The following USF3 variants were observed in gnomAD, a reference collection of about 807,000 sequenced individuals.
USF3 encodes the protein basic helix-loop-helix domain-containing protein USF3.
Under a neutral mutation model 157.5 loss-of-function variants are expected in USF3, and 29 were observed. The ratio of observed to expected loss-of-function variants is 0.18; its 90% CI spans 0.14 to 0.25. The LOEUF is 0.25. Among genes scored for constraint, USF3 ranks in the 10% least tolerant of loss-of-function variants. The probability of loss-of-function intolerance (pLI) is 1.00; values close to 1 mark genes in which losing one functional copy is unlikely to be tolerated. For missense variants in USF3, 2,381 were observed against 2,667.6 expected (o/e 0.89, Z 2.37); for synonymous variants, 893 against 941.4 (o/e 0.95, Z 0.94).
At position 113,694,158 on chromosome 3, in the gene USF3, G is replaced by C. The variant is rs557730721; in HGVS notation, c.-135+2212C>G. On this transcript the variant is annotated intron_variant, in intron 1 of 6. Coordinates refer to ENST00000316407, the MANE Select transcript of USF3 (RefSeq NM_001009899.4). ...GTCTGGATTGAGAACTACTGGACTA[G>C]AGAACAGAGAGGTAAAGCATGACAG... 2.6e-5 allele frequency among the ~76,000 whole-genome samples: 4 copies of C among 152,368 alleles called. No individual in the cohort carries two copies. The East Asian group carries it at 7.7e-4, about 29-fold the overall frequency.
chr3:113,655,425 T>A lies in USF3; in HGVS notation c.6257A>T (p.Gln2086Leu), dbSNP rs765278691. The change falls in exon 7 of 7, where the codon CAG becomes CTG. Residue 2086 changes from glutamine to leucine, a missense_variant. Coordinates refer to ENST00000316407, the MANE Select transcript of USF3 (RefSeq NM_001009899.4). ...TCGAGTGGCACTAGGCTGAGTAACCTGTGGAATGAAAGAAGCATTAGCATT... is the reference window on the plus strand; with the variant it reads ...TCGAGTGGCACTAGGCTGAGTAACCAGTGGAATGAAAGAAGCATTAGCATT... The part of the protein sequence containing the change: ...PINANASFIP[Q>L]VTQPSATRTP... The A allele has an allele frequency of 6.2e-7, 1 of 1,614,176 alleles. No homozygotes were observed. The highest frequency in any genetic ancestry group is 1.3e-5 in the African/African-American group (1 of 75,054).
In USF3 at chr3:113,654,893, C is replaced by A. The variant is rs1947325025; in HGVS notation, c.*51G>T. ...GTACATGTCTGTGCACATGCACGCA[C>A]AAATACATTTGTAATCTCACTCATT... On this transcript the variant is annotated 3_prime_UTR_variant, in exon 7 of 7. Transcript: ENST00000316407. 2.6e-6 allele frequency: 4 copies of A among 1,558,386 alleles called. No individual in the cohort carries two copies. In the South Asian group the frequency reaches 3.7e-5, roughly 14 times the overall value.
chr3:113,669,059 ATTAT>A (rs1223111077), intron 5 of USF3, among the ~76,000 whole-genome samples: 1 of 152,162 alleles, frequency 6.6e-6, no homozygotes, highest in Non-Finnish European at 1.5e-5. Flanking sequence ...CTATGAGGTA[ATTAT>A]TTACTCCACC....
intron 5 of USF3, among the ~76,000 whole-genome samples, chr3:113,668,165 A>G (rs1478112602): frequency 1.3e-5 from 2 of 152,084 alleles, no homozygotes; most frequent in Admixed American, 1.3e-4. Context: ...ACACAGCTGG[A>G]TGACTTTCCC....
intron 5 of USF3, among the ~76,000 whole-genome samples, chr3:113,669,696 T>C (rs928716043): frequency 1.7e-4 from 26 of 152,056 alleles, no homozygotes; most frequent in African/African-American, 6.3e-4. Context: ...AACACTGTCA[T>C]ACTTTAAGCT....
chr3:113,649,635 G>C lies in USF3; in HGVS notation c.*5309C>G, dbSNP rs932773261. ...TACACAGCGTGTACCATCCCAGCTG[G>C]CCCTTTGCTATAACAGAGGAGTGGG... On this transcript the variant is annotated 3_prime_UTR_variant, in exon 7 of 7. Coordinates refer to ENST00000316407, the MANE Select transcript of USF3 (RefSeq NM_001009899.4). The C allele has an allele frequency of 3.9e-6, 2 of 510,984 alleles. No individual in the cohort carries two copies. Among genetic ancestry groups the C allele is most frequent in the Middle Eastern group, 4.5e-4 (1 of 2,236 alleles). The allele number at this position is 510,984 out of a possible 1,614,324, so 31.7% of individuals were successfully genotyped here.
chr3:113,691,124 G>A (rs1347960493), intron 1 of USF3, among the ~76,000 whole-genome samples: 1 of 152,188 alleles, frequency 6.6e-6, no homozygotes, highest in Admixed American at 6.5e-5. Flanking sequence ...AGGAGGCGAA[G>A]GTTCCAGTGA....
chr3:113,692,414 A>G (rs1353395749), intron 1 of USF3, among the ~76,000 whole-genome samples: 1 of 151,886 alleles, frequency 6.6e-6, no homozygotes, highest in Non-Finnish European at 1.5e-5. Flanking sequence ...GAATACAAAC[A>G]TGAAAAAAAA....
chr3:113,685,239 T>C (rs1030783606), intron 1 of USF3, among the ~76,000 whole-genome samples: 1 of 151,964 alleles, frequency 6.6e-6, no homozygotes, highest in African/African-American at 2.4e-5. Flanking sequence ...CTGCCCGGAG[T>C]TGGGGATGGA....
Position 113,650,054 on chromosome 3 carries a change from T to C in USF3, c.*4890A>G. On this transcript the variant is annotated 3_prime_UTR_variant, in exon 7 of 7. Transcript: ENST00000316407. ...TTCACTAGTTTGTCTGGTTGTTGGCTATTACTGTTGCCCTCTGGATGTACA... is the reference window on the plus strand; with the variant it reads ...TTCACTAGTTTGTCTGGTTGTTGGCCATTACTGTTGCCCTCTGGATGTACA... 1 of 587,990 alleles carries C rather than the reference T, an allele frequency of 1.7e-6. No individual in the cohort carries two copies. Among genetic ancestry groups the C allele is most frequent in the South Asian group, 2.1e-5 (1 of 47,592 alleles). The allele number at this position is 587,990 out of a possible 1,614,324, so 36.4% of individuals were successfully genotyped here.
intron 1 of USF3, among the ~76,000 whole-genome samples, chr3:113,687,345 A>G (rs1707581394): frequency 6.6e-6 from 1 of 152,044 alleles, no homozygotes; most frequent in Non-Finnish European, 1.5e-5. Context: ...CCCCACTCTT[A>G]GAATCAGCTT....
rs1422200737 is a variant in USF3 at position 113,656,466 on chromosome 3, G to T, written c.5216C>A (p.Pro1739Gln). Residue 1739 changes from proline to glutamine, a missense_variant, in exon 7 of 7, where the codon CCA (proline) becomes CAA (glutamine). By Grantham distance (76) the Pro-to-Gln change is moderately conservative. Transcript: ENST00000316407. ...CTGGGGCTGTTGACTAGCTCCACTT[G>T]GTTTAAACGTCTGACAATCAGAAAG... ...IRLSDCQTFKPSGASQQPQSN... is the reference protein window; with the variant it reads ...IRLSDCQTFKQSGASQQPQSN... 1.2e-6 allele frequency: 2 copies of T among 1,614,068 alleles called. No homozygotes were observed. The highest frequency in any genetic ancestry group is 1.1e-5 in the South Asian group (1 of 91,068).
At chr3:113,675,817 T>C (rs552399818) in intron 2 of USF3, among the ~76,000 whole-genome samples, 5 of 152,174 alleles carry the variant, frequency 3.3e-5, no homozygotes, top group Admixed American at 6.5e-5. Flanking sequence ...TGGTGCTCTG[T>C]CACCTCTTGA....
chr3:113,649,683 G>C lies in USF3; in HGVS notation c.*5261C>G. The C allele has an allele frequency of 1.7e-6, 1 of 601,114 alleles. No homozygotes were observed. Among genetic ancestry groups the C allele is most frequent in the Non-Finnish European group, 2.9e-6 (1 of 339,746 alleles). 37.2% of individuals were successfully genotyped at this position (601,114 alleles called of 1,614,324 possible). On this transcript the variant is annotated 3_prime_UTR_variant, in exon 7 of 7. Coordinates refer to ENST00000316407, the MANE Select transcript of USF3 (RefSeq NM_001009899.4). The stretch of plus-strand genomic sequence containing the variant: ...GGGTGAGTGATATGTTCCAACAGCT[G>C]GTCTAAAGACCAGAGGCACAGTTTC...
At position 113,655,255 on chromosome 3, in the gene USF3, C is replaced by T; in HGVS notation, c.6427G>A (p.Val2143Ile). ...CGGTTATTTAAACTTCCACTGTTTACCTTCTCTGTGCTAGGATTTGAGAAC... is the reference window on the plus strand; with the variant it reads ...CGGTTATTTAAACTTCCACTGTTTATCTTCTCTGTGCTAGGATTTGAGAAC... ...QMFSNPSTEK[V>I]NSGSLNNRFG... Residue 2143 changes from valine (V) to isoleucine (I), a missense_variant, in exon 7 of 7, where the codon GTA (valine) becomes ATA (isoleucine). Val to Ile is a conservative substitution (Grantham distance 29, BLOSUM62 3). Around this residue, in one of 6 missense-constraint regions of USF3, gnomAD observed 770 missense variants for 824.2 expected, o/e 0.93. Transcript: ENST00000316407. 1.2e-6 allele frequency: 2 copies of T among 1,614,056 alleles called. No individual in the cohort carries two copies. Among genetic ancestry groups the T allele is most frequent in the Non-Finnish European group, 1.7e-6 (2 of 1,179,972 alleles).
At position 113,659,816 on chromosome 3, in the gene USF3, A is replaced by G. The variant is rs1054799153; in HGVS notation, c.1866T>C (p.Val622=). 18 of 1,614,092 alleles carry G rather than the reference A, an allele frequency of 1.1e-5. No individual in the cohort carries two copies. Among genetic ancestry groups the G allele is most frequent in the Non-Finnish European group, 1.5e-5 (18 of 1,180,036 alleles). The change falls in exon 7 of 7, where the codon GTT becomes GTC. Residue 622 remains valine, a synonymous_variant. Coordinates refer to ENST00000316407, the MANE Select transcript of USF3 (RefSeq NM_001009899.4). The part of the protein sequence containing the change: ...VIGSNNSVQN[V]PTPQTFGGKH... ...TTCCTCCAAAAGTCTGTGGTGTTGG[A>G]ACATTTTGCACTGAATTATTAGACC...
rs116123202 is a variant in USF3, at chr3:113,668,430, C to T, written c.159+1691G>A. ...AGGCAGGAGACTGATGGGTTCTTCT[C>T]CAAGAAAATGAAAAAATTAATAGCT... On this transcript the variant is annotated intron_variant, in intron 5 of 6. Transcript: ENST00000316407. 5.2e-3 allele frequency among the ~76,000 whole-genome samples: 793 copies of T among 151,098 alleles called. 2 individuals carry two copies. Among genetic ancestry groups the T allele is most frequent in the Non-Finnish European group, 8.0e-3 (544 of 67,826 alleles).
chr3:113,676,217 T>C (rs576823362), intron 2 of USF3, among the ~76,000 whole-genome samples: 4 of 152,330 alleles, frequency 2.6e-5, no homozygotes, highest in African/African-American at 9.6e-5. Context: ...CCAAAGTTGC[T>C]TTCACATTTT....
In USF3 at chr3:113,648,564, A is replaced by G. The variant is rs573633780; in HGVS notation, c.*6380T>C. ...ACAATGCATTTGTAAAAAGATGTCA[A>G]AATAAACAGGACCTATTCTTATTTA... On this transcript the variant is annotated 3_prime_UTR_variant, in exon 7 of 7. Coordinates refer to ENST00000316407, the MANE Select transcript of USF3 (RefSeq NM_001009899.4). 1.3e-3 allele frequency: 192 copies of G among 152,772 alleles called. 1 individual carries two copies. Among genetic ancestry groups the G allele is most frequent in the African/African-American group, 4.4e-3 (183 of 41,584 alleles). 9.5% of individuals were successfully genotyped at this position (152,772 alleles called of 1,614,324 possible).
Sources: gnomAD v4.1 joint callset for allele counts (sites outside exome capture counted in the v4.1 genomes callset) on GRCh38, gnomAD v4.1.1 for gene constraint, gnomAD v4.1.1 regional missense constraint, MANE v1.5 for transcripts, NCBI Gene and HGNC (gene_info 2026-07-23, HGNC 2026-07-21) for gene names.